PDE1C: variants seen among roughly 807,000 people sequenced by gnomAD.
PDE1C encodes the protein dual specificity calcium/calmodulin-dependent 3',5'-cyclic nucleotide phosphodiesterase 1C.
PDE1C carries 62 observed loss-of-function variants against 93.1 expected under a neutral mutation model. The ratio of observed to expected loss-of-function variants is 0.67; its 90% CI spans 0.54 to 0.82. The LOEUF is 0.82. Among genes scored for constraint, PDE1C ranks in the 40% least tolerant of loss-of-function variants. The probability of loss-of-function intolerance (pLI) is 0.00; values close to 1 mark genes in which losing one functional copy is unlikely to be tolerated. For synonymous variants in PDE1C, 325 were observed against 310.1 expected, an observed-to-expected ratio of 1.05 and a Z score of -0.50; for missense variants, 742 against 884.6, an observed-to-expected ratio of 0.84 and a Z score of 2.04.
At chr7:31,847,358 A>G (rs1792767531) in intron 9 of PDE1C, among the ~76,000 whole-genome samples, 1 of 152,162 alleles carries the variant, frequency 6.6e-6, no homozygotes, top group Admixed American at 6.5e-5. Context: ...CCAAACACAC[A>G]ATTTCTGTCA....
chr7:32,029,596 G>C (rs1051971377), intron 2 of PDE1C, among the ~76,000 whole-genome samples: 2 of 152,026 alleles, frequency 1.3e-5, no homozygotes, highest in African/African-American at 4.8e-5. Flanking sequence ...AAAGAAGGCA[G>C]AGAGGAAAGA....
Position 31,988,179 on chromosome 7 carries a change from C to T in PDE1C, c.128+63375G>A, listed in dbSNP as rs533024361. Among the ~76,000 whole-genome samples the T allele has an allele frequency of 3.1e-4, 47 of 152,304 alleles. 1 individual carries two copies. In the South Asian group the frequency reaches 9.3e-3, roughly 30 times the overall value. On this transcript the variant is annotated intron_variant, in intron 2 of 17. Transcript: ENST00000396191. ...CCCTCTGCCCTGCTGGGTCAGGCCCCCCAGTGGTGGCAACAACCCCCTGCT... is the reference window on the plus strand; with the variant it reads ...CCCTCTGCCCTGCTGGGTCAGGCCCTCCAGTGGTGGCAACAACCCCCTGCT...
chr7:31,702,180 G>C, the PDE1C span, among the ~76,000 whole-genome samples: 3 of 150,244 alleles, frequency 2.0e-5, no homozygotes, highest in African/African-American at 7.4e-5. Flanking sequence ...TTGTGATATG[G>C]CTTAAATCAG....
At chr7:32,311,080 G>T (rs1001131765) in intron 1 of PDE1C, among the ~76,000 whole-genome samples, 2 of 152,042 alleles carry the variant, frequency 1.3e-5, no homozygotes, top group African/African-American at 4.8e-5. Flanking sequence ...TATCACCACC[G>T]ATCCCACAGA....
At chr7:32,134,072 G>T (rs1405851578) in intron 3 of PDE1C, among the ~76,000 whole-genome samples, 11 of 151,944 alleles carry the variant, frequency 7.2e-5, no homozygotes, top group Non-Finnish European at 1.5e-5. Context: ...TGGTGAATTT[G>T]AAAATAGATA....
chr7:32,267,749 T>C (rs1026061380), intron 1 of PDE1C, among the ~76,000 whole-genome samples: 4 of 152,162 alleles, frequency 2.6e-5, no homozygotes, highest in Non-Finnish European at 1.5e-5. Context: ...AATGACTTCT[T>C]TTTCTCCCAG....
chr7:31,690,805 A>C, the PDE1C span, among the ~76,000 whole-genome samples: 1 of 152,154 alleles, frequency 6.6e-6, no homozygotes, highest in African/African-American at 2.4e-5. Flanking sequence ...TCTGATTCTA[A>C]GTGTTTTACT....
At chr7:31,707,421 G>A in the PDE1C span, 521 of 656,008 alleles carry the variant, frequency 7.9e-4, no homozygotes, top group Non-Finnish European at 1.2e-3. Flanking sequence ...CCCAGGAGAT[G>A]TATGCCATCA....
At chr7:32,079,780 G>A (rs907392325) in intron 3 of PDE1C, among the ~76,000 whole-genome samples, 28 of 152,164 alleles carry the variant, frequency 1.8e-4, no homozygotes, top group African/African-American at 5.3e-4. Flanking sequence ...GTCCTCTTAC[G>A]GGCTAAGCCT....
At chr7:31,723,186 G>A in the PDE1C span, among the ~76,000 whole-genome samples, 1 of 152,122 alleles carries the variant, frequency 6.6e-6, no homozygotes, top group East Asian at 1.9e-4. Flanking sequence ...AATAAGCATA[G>A]GATGATTCTT....
the PDE1C span, among the ~76,000 whole-genome samples, chr7:31,732,439 C>T: frequency 1.2e-3 from 187 of 152,180 alleles, 1 homozygote; most frequent in African/African-American, 4.2e-3. Context: ...GGGTGGGCCT[C>T]ATCCAATTAG....
chr7:32,077,189 G>A (rs1043107972), intron 3 of PDE1C, among the ~76,000 whole-genome samples: 12 of 152,162 alleles, frequency 7.9e-5, no homozygotes, highest in Non-Finnish European at 1.0e-4. Flanking sequence ...GCAGTGAGCC[G>A]AGATTATGCC....
rs2108859 is a variant in PDE1C at position 32,241,621 on chromosome 7, G to A, written c.86-32082C>T. On this transcript the variant is annotated intron_variant, in intron 1 of 18. Coordinates refer to the PDE1C transcript ENST00000396193. ...AATGGGGCAATCACTAGAGGAGACG[G>A]TTATGTCAATACATGGTTTCTTTTT... 1.6e-4 allele frequency among the ~76,000 whole-genome samples: 25 copies of A among 152,310 alleles called. 1 individual carries two copies. The East Asian group carries it at 4.6e-3, about 28-fold the overall frequency.
the PDE1C span, among the ~76,000 whole-genome samples, chr7:31,617,492 C>CT: frequency 0.44 from 67,480 of 151,876 alleles, 15,230 homozygotes; most frequent in East Asian, 0.54. Flanking sequence ...AACTATTCTG[C>CT]TTTTTGTAAA....
chr7:31,739,816 G>A, the PDE1C span, among the ~76,000 whole-genome samples: 3 of 152,158 alleles, frequency 2.0e-5, no homozygotes, highest in Admixed American at 1.3e-4. Flanking sequence ...CACCCAAGGA[G>A]AACCAATTAG....
chr7:32,254,074 C>T (rs958420447), intron 1 of PDE1C, among the ~76,000 whole-genome samples: 2 of 152,104 alleles, frequency 1.3e-5, no homozygotes, highest in Admixed American at 1.3e-4. Context: ...TCATGCACCA[C>T]TGAAACAATG....
intron 2 of PDE1C, among the ~76,000 whole-genome samples, chr7:31,994,503 T>C (rs911371181): frequency 1.3e-5 from 2 of 152,192 alleles, no homozygotes; most frequent in Non-Finnish European, 2.9e-5. Flanking sequence ...AGATTTTAAA[T>C]ATGCCCTGCC....
chr7:31,808,922 G>C (rs1364509015), intron 16 of PDE1C, 109 bp downstream of exon 16: 4 of 634,420 alleles, frequency 6.3e-6, no homozygotes, highest in Non-Finnish European at 1.1e-5. Flanking sequence ...TTTTTTTCAG[G>C]ATATAAGAAT....
chr7:32,393,047 TCAA>T (rs1784778878), intron 1 of PDE1C, among the ~76,000 whole-genome samples: 1 of 7,174 alleles, frequency 1.4e-4, no homozygotes, highest in African/African-American at 3.0e-4. Context: ...AGACTCTGTC[TCAA>T]AAAAAAAAAA....
Sources: allele counts gnomAD v4.1 joint callset (sites outside exome capture counted in the v4.1 genomes callset), GRCh38; gene constraint gnomAD v4.1.1; transcripts MANE v1.5; gene names NCBI Gene and HGNC (gene_info 2026-07-23, HGNC 2026-07-21).